GGA1: variants seen among roughly 807,000 people sequenced by gnomAD.
GGA1 encodes golgi associated, gamma adaptin ear containing, ARF binding protein 1, also known as ADP-ribosylation factor-binding protein GGA1.
In GGA1, 18 loss-of-function variants were observed where a neutral mutation model predicts 76.9. The ratio of observed to expected loss-of-function variants is 0.23; its 90% CI spans 0.16 to 0.35. GGA1 has a LOEUF of 0.35. Among genes scored for constraint, GGA1 ranks in the 10% least tolerant of loss-of-function variants. The probability of loss-of-function intolerance (pLI) is 1.00; values close to 1 mark genes in which losing one functional copy is unlikely to be tolerated. For synonymous variants in GGA1, 342 were observed against 354.7 expected (o/e 0.96, Z 0.40); for missense variants, 755 against 859.0 (o/e 0.88, Z 1.51).
At position 37,609,295 on chromosome 22, in the gene GGA1, C is replaced by T. The variant is rs1014802596; in HGVS notation, c.43+392C>T. The T allele has an allele frequency of 2.1e-5, 24 of 1,121,448 alleles. No individual in the cohort carries two copies. The Middle Eastern group carries it at 1.7e-3, about 81-fold the overall frequency. 69.5% of individuals were successfully genotyped at this position (1,121,448 alleles called of 1,614,324 possible). ...GCATCTCACACCCGGGAGGGAGGGA[C>T]CCTACTATTTTCAGGCCCCGAATCC... On this transcript the variant is annotated intron_variant, in intron 1 of 16. Coordinates refer to ENST00000343632, the MANE Select transcript of GGA1 (RefSeq NM_013365.5).
intron 2 of GGA1, among the ~76,000 whole-genome samples, chr22:37,616,174 G>A (rs1478821582): frequency 6.6e-5 from 10 of 152,146 alleles, no homozygotes; most frequent in South Asian, 2.1e-4. Flanking sequence ...CTCCCCAGGC[G>A]ATACTAAAGT....
At position 37,625,191 on chromosome 22, in the gene GGA1, CCCCTTA is replaced by C; in HGVS notation, c.940+116_940+121del. ...GGAATGACTGCCAGGGTGACCCTGG[CCCCTTA>C]AGATGGGGAAGGCCCCAGGGAGGGA... On this transcript the variant is annotated intron_variant, in intron 10 of 16. Coordinates refer to ENST00000343632, the MANE Select transcript of GGA1 (RefSeq NM_013365.5). This position sits in a 1 kb window ranked among gnomAD's most constrained non-coding sequence, Gnocchi z 4.1. 9.4e-6 allele frequency: 9 copies of C among 953,936 alleles called. No individual in the cohort carries two copies. The highest frequency in any genetic ancestry group is 1.4e-5 in the Non-Finnish European group (9 of 630,608). The allele number at this position is 953,936 out of a possible 1,614,324, so 59.1% of individuals were successfully genotyped here.
At position 37,620,918 on chromosome 22, in the gene GGA1, GAC is replaced by G; in HGVS notation, c.528+6_528+7del. The G allele has an allele frequency of 6.4e-7, 1 of 1,568,082 alleles. No homozygotes were observed. Among genetic ancestry groups the G allele is most frequent in the Admixed American group, 1.7e-5 (1 of 59,970 alleles). On this transcript the variant is annotated splice_donor_region_variant and intron_variant, in intron 6 of 16. Coordinates refer to ENST00000343632, the MANE Select transcript of GGA1 (RefSeq NM_013365.5). ...GAAGATGAGGAGAAATCCAAGGTGA[GAC>G]TCCAAGGAGGCACATATGGGGACTC...
rs1930511011 is a variant in GGA1, at chr22:37,624,797, A to T, written c.833-172A>T. 4.8e-6 allele frequency: 4 copies of T among 838,290 alleles called. No homozygotes were observed. The Admixed American group carries it at 1.1e-4, about 22-fold the overall frequency. 51.9% of individuals were successfully genotyped at this position (838,290 alleles called of 1,614,324 possible). A position where few individuals can be genotyped will look rare whatever the true frequency, so the allele number is the denominator to read the frequency against. On this transcript the variant is annotated intron_variant, in intron 9 of 16. Coordinates refer to ENST00000343632, the MANE Select transcript of GGA1 (RefSeq NM_013365.5). This position sits in a 1 kb window ranked among gnomAD's most constrained non-coding sequence, Gnocchi z 4.3. ...GTGAATGAGGGAAGGGTGGGAGGTGAGACCAGGGAGGTGGCGGAGGGCCAG... is the reference window on the plus strand; with the variant it reads ...GTGAATGAGGGAAGGGTGGGAGGTGTGACCAGGGAGGTGGCGGAGGGCCAG...
chr22:37,628,252 T>C (rs931050562), intron 11 of GGA1, among the ~76,000 whole-genome samples: 3 of 152,200 alleles, frequency 2.0e-5, no homozygotes, highest in Non-Finnish European at 4.4e-5. Flanking sequence ...CTAATTTTTT[T>C]TCCTTTTATT....
intron 1 of GGA1, chr22:37,613,965 A>G (rs1928250232): frequency 1.9e-6 from 1 of 524,520 alleles, no homozygotes; most frequent in East Asian, 3.4e-5. Flanking sequence ...GGCCCTGACC[A>G]TAGTCTCTAA....
At position 37,625,409 on chromosome 22, in the gene GGA1, A is replaced by G. The variant is rs1930642196; in HGVS notation, c.940+333A>G. On this transcript the variant is annotated intron_variant, in intron 10 of 16. Coordinates refer to ENST00000343632, the MANE Select transcript of GGA1 (RefSeq NM_013365.5). The surrounding 1 kb of genome is among the most constrained non-coding windows in gnomAD (Gnocchi z 4.1). ...TATCAGAAAATGCGAGGGGGGTTAG[A>G]AAAGTAAACATTACAGACTCAGGTC... is the stretch of plus-strand genomic sequence containing the variant. Among the ~76,000 whole-genome samples, 1 of 152,144 alleles carries G rather than the reference A, an allele frequency of 6.6e-6. No homozygotes were observed. Among genetic ancestry groups the G allele is most frequent in the Non-Finnish European group, 1.5e-5 (1 of 68,016 alleles).
intron 1 of GGA1, chr22:37,609,380 A>C: frequency 2.9e-6 from 3 of 1,049,830 alleles, no homozygotes; most frequent in South Asian, 4.3e-5. Flanking sequence ...TTTGCTCATT[A>C]CCCCGTCCTG....
At chr22:37,615,924 T>C (rs1377937095) in intron 2 of GGA1, among the ~76,000 whole-genome samples, 1 of 150,858 alleles carries the variant, frequency 6.6e-6, no homozygotes, top group Admixed American at 6.6e-5. Context: ...CACTGCAAGC[T>C]CCGCCTCCCA....
chr22:37,618,327 G>A (rs1929201858), intron 3 of GGA1, 121 bp from the exon 4 acceptor site: 2 of 631,874 alleles, frequency 3.2e-6, no homozygotes, highest in Non-Finnish European at 5.8e-6. Flanking sequence ...CAACCTCACA[G>A]GCCATTCCCT....
rs142935269 is a variant in GGA1 at position 37,615,439 on chromosome 22, A to G, written c.128+1165A>G. On this transcript the variant is annotated intron_variant, in intron 2 of 16. Transcript: ENST00000343632. ...ACTCCAGCCTGGGCGACGGAGTGAA[A>G]CTCCGTCTCAAAAAATAAGTAAATA... is the stretch of plus-strand genomic sequence containing the variant. 5.6e-3 allele frequency among the ~76,000 whole-genome samples: 834 copies of G among 149,860 alleles called. 6 individuals carry two copies. The highest frequency in any genetic ancestry group is 0.02 in the African/African-American group (810 of 40,572).
At chr22:37,616,513 C>T (rs1417548141) in intron 2 of GGA1, among the ~76,000 whole-genome samples, 4 of 152,196 alleles carry the variant, frequency 2.6e-5, no homozygotes, top group Non-Finnish European at 4.4e-5. Flanking sequence ...CACAGCAGAA[C>T]GTCCTTTGCC....
intron 2 of GGA1, among the ~76,000 whole-genome samples, chr22:37,615,120 G>A (rs114733219): frequency 0.013 from 1,989 of 151,708 alleles, 52 homozygotes; most frequent in African/African-American, 0.045. Context: ...GCAACATAGC[G>A]GGGCAACATA....
At chr22:37,622,202 C>G (rs1196790567) in intron 7 of GGA1, among the ~76,000 whole-genome samples, 1 of 151,506 alleles carries the variant, frequency 6.6e-6, no homozygotes, top group Non-Finnish European at 1.5e-5. Flanking sequence ...CCTCAACCTC[C>G]CAGGCCGCTG....
At position 37,632,549 on chromosome 22, in the gene GGA1, G is replaced by A. The variant is rs1033039236; in HGVS notation, c.1809+34G>A. 1.9e-6 allele frequency: 3 copies of A among 1,582,332 alleles called. No homozygotes were observed. Among genetic ancestry groups the A allele is most frequent in the East Asian group, 4.5e-5 (2 of 44,738 alleles). Reference sequence around the variant, plus strand: ...CCCCCAGGCAGTGCTGCAGGGTGGGGACGGCCACTTCTCCTCCTCTGACCC... The same window carrying A: ...CCCCCAGGCAGTGCTGCAGGGTGGGAACGGCCACTTCTCCTCCTCTGACCC... On this transcript the variant is annotated intron_variant, in intron 16 of 16. Transcript: ENST00000343632. The surrounding 1 kb of genome is among the most constrained non-coding windows in gnomAD (Gnocchi z 5.1).
rs1434076221 is a variant in GGA1, at chr22:37,624,321, G to C, written c.833-648G>C. 1 of 154,210 alleles carries C rather than the reference G, an allele frequency of 6.5e-6. No homozygotes were observed. The highest frequency in any genetic ancestry group is 1.4e-5 in the Non-Finnish European group (1 of 69,380). The allele number at this position is 154,210 out of a possible 1,614,324, so 9.6% of individuals were successfully genotyped here. A position where few individuals can be genotyped will look rare whatever the true frequency, so the allele number is the denominator to read the frequency against. On this transcript the variant is annotated intron_variant, in intron 9 of 16. Coordinates refer to ENST00000343632, the MANE Select transcript of GGA1 (RefSeq NM_013365.5). This position sits in a 1 kb window ranked among gnomAD's most constrained non-coding sequence, Gnocchi z 4.3. ...ACTGATCAAAGTTTGCAAAACGCCG[G>C]GTGCAGTGGTTCACACCTGTAATCC...
intron 2 of GGA1, among the ~76,000 whole-genome samples, chr22:37,616,377 G>A (rs1928797193): frequency 6.6e-6 from 1 of 152,202 alleles, no homozygotes; most frequent in Admixed American, 6.5e-5. Flanking sequence ...AGGCAGGAAA[G>A]TGCATGTGAG....
At chr22:37,609,569 C>T (rs1195069286) in intron 1 of GGA1, among the ~76,000 whole-genome samples, 1 of 152,188 alleles carries the variant, frequency 6.6e-6, no homozygotes, top group Non-Finnish European at 1.5e-5. Context: ...ATGCCTTTCC[C>T]AGCTCTTGCT....
At position 37,632,410 on chromosome 22, in the gene GGA1, G is replaced by A; in HGVS notation, c.1704G>A (p.Met568Ile). 1.2e-6 allele frequency: 2 copies of A among 1,608,706 alleles called. No homozygotes were observed. The highest frequency in any genetic ancestry group is 1.7e-6 in the Non-Finnish European group (2 of 1,175,168). ...IVFQSAVPKV[M>I]KVKLQPPSGT... Reference sequence around the variant, plus strand: ...ATCCTGCCATCTGCCCACAGGTTATGAAGGTGAAGCTGCAGCCACCCTCGG... The same window carrying A: ...ATCCTGCCATCTGCCCACAGGTTATAAAGGTGAAGCTGCAGCCACCCTCGG... The change falls in exon 16 of 17, where the codon ATG becomes ATA. Residue 568 changes from methionine to isoleucine, a missense_variant. Coordinates refer to ENST00000343632, the MANE Select transcript of GGA1 (RefSeq NM_013365.5). The surrounding 1 kb of genome is among the most constrained non-coding windows in gnomAD (Gnocchi z 5.1).
Sources: allele counts gnomAD v4.1 joint callset (sites outside exome capture counted in the v4.1 genomes callset), GRCh38; gene constraint gnomAD v4.1.1; non-coding constraint Gnocchi (gnomAD v3.1); transcripts MANE v1.5; gene names NCBI Gene and HGNC (gene_info 2026-07-23, HGNC 2026-07-21).